ZBTB7C: variants seen among roughly 807,000 people sequenced by gnomAD.
The protein encoded by ZBTB7C is zinc finger and BTB domain containing 7C, also known as zinc finger and BTB domain-containing protein 7C.
ZBTB7C carries 8 observed loss-of-function variants against 25.7 expected under a neutral mutation model. The observed-to-expected ratio is 0.31, with a 90% confidence interval of 0.18 to 0.56. The LOEUF is 0.56. Ranked by LOEUF, ZBTB7C falls within the 20% of genes least tolerant of loss-of-function variation. The pLI is 0.91. For missense variants in ZBTB7C, 824 were observed against 855.2 expected, an observed-to-expected ratio of 0.96 and a Z score of 0.46; for synonymous variants, 394 against 369.0, an observed-to-expected ratio of 1.07 and a Z score of -0.78.
intron 1 of ZBTB7C, among the ~76,000 whole-genome samples, chr18:48,389,828 G>A (rs1187053314): frequency 6.6e-6 from 1 of 152,224 alleles, no homozygotes; most frequent in Non-Finnish European, 1.5e-5. Context: ...TGCCTGGCAC[G>A]AAGAGGCACT....
At chr18:48,354,271 T>C (rs546930128) in intron 1 of ZBTB7C, among the ~76,000 whole-genome samples, 2 of 152,302 alleles carry the variant, frequency 1.3e-5, no homozygotes, top group South Asian at 4.1e-4. Context: ...GGGACCCTAC[T>C]GCCTCAGCCT....
rs560606112 is a variant in ZBTB7C at position 48,077,748 on chromosome 18, T to C, written c.-16-36625A>G. Among the ~76,000 whole-genome samples, 10 of 152,284 alleles carry C rather than the reference T, an allele frequency of 6.6e-5. No homozygotes were observed. In the South Asian group the frequency reaches 2.1e-3, roughly 32 times the overall value. ...CACCTGGGTCACCTCGTCCTCACCA[T>C]CTGAGTTGGGTCTTATCATCATCAC... On this transcript the variant is annotated intron_variant, in intron 3 of 4. Transcript: ENST00000590800.
intron 3 of ZBTB7C, among the ~76,000 whole-genome samples, chr18:48,140,369 G>C (rs1324932011): frequency 1.3e-5 from 2 of 152,040 alleles, no homozygotes. Flanking sequence ...CACGCTGTGG[G>C]GTAGATCTTG....
intron 1 of ZBTB7C, among the ~76,000 whole-genome samples, chr18:48,396,752 T>C (rs922873876): frequency 1.3e-5 from 2 of 152,214 alleles, no homozygotes; most frequent in Non-Finnish European, 2.9e-5. Context: ...ACAACACATA[T>C]TACTTGGCCC....
intron 2 of ZBTB7C, among the ~76,000 whole-genome samples, chr18:48,288,668 A>G (rs1248907453): frequency 1.3e-5 from 2 of 152,160 alleles, no homozygotes; most frequent in African/African-American, 2.4e-5. Flanking sequence ...AAATAAATAA[A>G]TGTAAATTAA....
intron 1 of ZBTB7C, among the ~76,000 whole-genome samples, chr18:48,372,895 G>A (rs747273221): frequency 4.6e-5 from 7 of 152,022 alleles, no homozygotes; most frequent in East Asian, 3.9e-4. Context: ...ACTGGCAATC[G>A]TTCCTCAATA....
At chr18:48,253,451 CT>C (rs2043928480) in intron 2 of ZBTB7C, among the ~76,000 whole-genome samples, 1 of 152,098 alleles carries the variant, frequency 6.6e-6, no homozygotes, top group South Asian at 2.1e-4. Flanking sequence ...GACAGTGGTG[CT>C]TGAGAGATGA....
intron 2 of ZBTB7C, among the ~76,000 whole-genome samples, chr18:48,271,669 C>T (rs2044490212): frequency 6.6e-6 from 1 of 151,206 alleles, no homozygotes; most frequent in African/African-American, 2.4e-5. Context: ...AAATGTTCTT[C>T]AGAAAATGTG....
chr18:48,238,393 T>C (rs1488674017), intron 2 of ZBTB7C, among the ~76,000 whole-genome samples: 1 of 152,180 alleles, frequency 6.6e-6, no homozygotes, highest in Admixed American at 6.5e-5. Context: ...ACCAAAAGAA[T>C]TCAAAGACCT....
chr18:48,325,392 C>T (rs550053747), intron 2 of ZBTB7C, among the ~76,000 whole-genome samples: 112 of 152,308 alleles, frequency 7.4e-4, no homozygotes, highest in Non-Finnish European at 1.4e-3. Context: ...TTGGCCATTG[C>T]ATTGATTCTT....
chr18:48,340,771 C>G (rs1270617416), intron 1 of ZBTB7C, among the ~76,000 whole-genome samples: 1 of 152,226 alleles, frequency 6.6e-6, no homozygotes, highest in Non-Finnish European at 1.5e-5. Context: ...ATTATCTGTG[C>G]TGTCAGCAAA....
intron 2 of ZBTB7C, among the ~76,000 whole-genome samples, chr18:48,284,035 T>C (rs1028147827): frequency 6.6e-6 from 1 of 152,044 alleles, no homozygotes. Context: ...TAGTCCCAGT[T>C]ACTCAGGAGG....
chr18:48,385,860 GTC>G lies in ZBTB7C; in HGVS notation c.-304+23364_-304+23365del, dbSNP rs573461465. Among the ~76,000 whole-genome samples the G allele has an allele frequency of 1.2e-3, 188 of 152,276 alleles. 1 individual carries two copies. Among genetic ancestry groups the G allele is most frequent in the African/African-American group, 4.4e-3 (182 of 41,566 alleles). ...AGGGTGGCAGACACACGGCCCATGT[GTC>G]TCTACAAAGCTCCCTCAGAGTGGCC... is the stretch of plus-strand genomic sequence containing the variant. On this transcript the variant is annotated intron_variant, in intron 1 of 4. Transcript: ENST00000590800.
At chr18:48,123,594 A>G (rs1173785959) in intron 3 of ZBTB7C, among the ~76,000 whole-genome samples, 1 of 152,200 alleles carries the variant, frequency 6.6e-6, no homozygotes, top group Non-Finnish European at 1.5e-5. Context: ...GCAGGAGTTG[A>G]TCCCCTGAAC....
At position 48,289,286 on chromosome 18, in the gene ZBTB7C, T is replaced by C. The variant is rs140668929; in HGVS notation, c.-79+48888A>G. Among the ~76,000 whole-genome samples the C allele has an allele frequency of 6.2e-3, 946 of 152,278 alleles. 9 individuals are homozygous for C. Among genetic ancestry groups the C allele is most frequent in the African/African-American group, 0.022 (900 of 41,560 alleles). ...ATTCACATCTAGTCTCTCACACTTA[T>C]GCTCCAGGAGACAAGTTCAAAGACA... On this transcript the variant is annotated intron_variant, in intron 2 of 4. Coordinates refer to ENST00000590800, the MANE Select transcript of ZBTB7C (RefSeq NM_001318841.2).
chr18:48,163,750 A>G (rs1043804791), intron 3 of ZBTB7C, among the ~76,000 whole-genome samples: 12 of 152,252 alleles, frequency 7.9e-5, no homozygotes, highest in Non-Finnish European at 1.5e-5. Context: ...CAAAAAAACC[A>G]GTAAGCTAGT....
At chr18:48,307,564 C>T (rs534677673) in intron 2 of ZBTB7C, among the ~76,000 whole-genome samples, 3 of 152,308 alleles carry the variant, frequency 2.0e-5, no homozygotes, top group African/African-American at 7.2e-5. Flanking sequence ...TAAAACCCAC[C>T]TCTGGCCGGG....
At chr18:48,329,432 T>C (rs1346401750) in intron 2 of ZBTB7C, among the ~76,000 whole-genome samples, 2 of 152,200 alleles carry the variant, frequency 1.3e-5, no homozygotes, top group African/African-American at 2.4e-5. Flanking sequence ...GTTGCCCCCA[T>C]GCCACACTCT....
chr18:48,345,745 G>T (rs2145002624), intron 1 of ZBTB7C, among the ~76,000 whole-genome samples: 1 of 152,364 alleles, frequency 6.6e-6, no homozygotes, highest in Non-Finnish European at 1.5e-5. Context: ...TGCCTGAGGT[G>T]CAGTGTCTGG....
Sources: allele counts gnomAD v4.1 joint callset (sites outside exome capture counted in the v4.1 genomes callset), GRCh38; gene constraint gnomAD v4.1.1; transcripts MANE v1.5; gene names NCBI Gene and HGNC (gene_info 2026-07-23, HGNC 2026-07-21).